Variants in DNAH11 observed in about 807,000 individuals in gnomAD.
DNAH11 encodes the protein axonemal beta dynein heavy chain 11.
DNAH11 carries 442 observed loss-of-function variants against 526.0 expected under a neutral mutation model. That is an observed-to-expected ratio of 0.84 (90% confidence interval 0.78 to 0.91). The LOEUF (loss-of-function observed/expected upper bound fraction) is 0.91. Ranked by LOEUF, DNAH11 falls within the 40% of genes least tolerant of loss-of-function variation. The probability of loss-of-function intolerance (pLI) is 0.00; values close to 1 mark genes in which losing one functional copy is unlikely to be tolerated. For missense variants in DNAH11, 6,989 were observed against 5,448.7 expected (o/e 1.28, Z -8.90); for synonymous variants, 2,461 against 1,935.9 (o/e 1.27, Z -7.12).
chr7:21,677,500 G>C (rs1224450474), intron 30 of DNAH11, among the ~76,000 whole-genome samples: 2 of 152,148 alleles, frequency 1.3e-5, no homozygotes, highest in Non-Finnish European at 2.9e-5. Context: ...TCCTGCCTCA[G>C]CCTCCCGTGT....
Position 21,618,772 on chromosome 7 carries a change from A to T in DNAH11, c.4255-328A>T, listed in dbSNP as rs6967178. Among the ~76,000 whole-genome samples, 5,108 of 152,284 alleles carry T rather than the reference A, an allele frequency of 0.034. 143 individuals are homozygous for T. The highest frequency in any genetic ancestry group is 0.072 in the African/African-American group (2,985 of 41,552). The stretch of plus-strand genomic sequence containing the variant: ...TGATTCCTGGGATTTCAACCAAATT[A>T]TAATAAATGAACAATGAGATTCTCT... On this transcript the variant is annotated intron_variant, in intron 23 of 81. Transcript: ENST00000409508.
Position 21,687,582 on chromosome 7 carries a change from A to G in DNAH11, c.5924+55A>G. On this transcript the variant is annotated intron_variant, in intron 34 of 81. Transcript: ENST00000409508. ...CAAATAGAAAAACATGGAATAATGCAGGTAACCTCCCCTTCACTGTCTATT... is the reference window on the plus strand; with the variant it reads ...CAAATAGAAAAACATGGAATAATGCGGGTAACCTCCCCTTCACTGTCTATT... 5 of 1,572,550 alleles carry G rather than the reference A, an allele frequency of 3.2e-6. No homozygotes were observed. In the African/African-American group the frequency reaches 6.7e-5, roughly 21 times the overall value.
At chr7:21,835,654 A>T (rs1018242488) in intron 65 of DNAH11, among the ~76,000 whole-genome samples, 1 of 152,194 alleles carries the variant, frequency 6.6e-6, no homozygotes, top group East Asian at 1.9e-4. Context: ...CACAGCTAAC[A>T]TATTAAACAG....
At chr7:21,849,579 T>G (rs1341284775) in intron 66 of DNAH11, among the ~76,000 whole-genome samples, 2 of 152,238 alleles carry the variant, frequency 1.3e-5, no homozygotes, top group Non-Finnish European at 2.9e-5. Flanking sequence ...GATAATTTTA[T>G]AAGATACAAA....
At chr7:21,850,354 C>CAAA (rs34141787) in intron 66 of DNAH11, among the ~76,000 whole-genome samples, 18 of 122,330 alleles carry the variant, frequency 1.5e-4, no homozygotes, top group African/African-American at 4.1e-4. Flanking sequence ...GACTCTGTCT[C>CAAA]AAAAAAAAAA....
At chr7:21,554,819 G>A (rs1234285125) in intron 2 of DNAH11, among the ~76,000 whole-genome samples, 1 of 152,198 alleles carries the variant, frequency 6.6e-6, no homozygotes, top group Non-Finnish European at 1.5e-5. Flanking sequence ...GAGGGAATAT[G>A]CTAGATGTCT....
intron 51 of DNAH11, among the ~76,000 whole-genome samples, chr7:21,745,593 G>A (rs1283978187): frequency 6.6e-6 from 1 of 152,138 alleles, no homozygotes; most frequent in Non-Finnish European, 1.5e-5. Context: ...CCCTCCTATG[G>A]GACATTGTTC....
intron 44 of DNAH11, among the ~76,000 whole-genome samples, chr7:21,723,433 T>C (rs528932306): frequency 6.6e-6 from 1 of 152,300 alleles, no homozygotes; most frequent in East Asian, 1.9e-4. Flanking sequence ...AAAACAAGTT[T>C]CAAATCAACT....
chr7:21,870,107 A>C (rs1205203674), intron 73 of DNAH11, among the ~76,000 whole-genome samples: 5 of 152,226 alleles, frequency 3.3e-5, no homozygotes, highest in Non-Finnish European at 7.3e-5. Context: ...CTCTATATAA[A>C]GATGAGAAAA....
chr7:21,785,908 A>G (rs1490699143), intron 58 of DNAH11, among the ~76,000 whole-genome samples: 2 of 152,256 alleles, frequency 1.3e-5, no homozygotes, highest in Non-Finnish European at 2.9e-5. Context: ...CACATAAAGT[A>G]TCACAGGAAA....
intron 48 of DNAH11, among the ~76,000 whole-genome samples, chr7:21,740,735 C>A (rs1198406047): frequency 6.6e-6 from 1 of 152,184 alleles, no homozygotes; most frequent in Non-Finnish European, 1.5e-5. Context: ...TTGGGGTGTA[C>A]ACCCAGCAAT....
chr7:21,819,842 C>T (rs1017987181), intron 65 of DNAH11, among the ~76,000 whole-genome samples: 34 of 152,092 alleles, frequency 2.2e-4, no homozygotes, highest in Non-Finnish European at 4.6e-4. Context: ...AAATATCAGG[C>T]CAGAACAGTT....
intron 4 of DNAH11, 38 bp from the exon 5 acceptor site, chr7:21,561,033 A>G (rs751656971): frequency 7.2e-7 from 1 of 1,390,206 alleles, no homozygotes; most frequent in Non-Finnish European, 1.0e-6. Flanking sequence ...AATCGAGTTT[A>G]TATTTATTAA....
chr7:21,838,347 G>C (rs1284112948), intron 65 of DNAH11, among the ~76,000 whole-genome samples: 1 of 152,170 alleles, frequency 6.6e-6, no homozygotes, highest in Non-Finnish European at 1.5e-5. Flanking sequence ...TTTGACCTCT[G>C]ATAATTGTTC....
chr7:21,818,371 C>A (rs1164011464), intron 65 of DNAH11, 32 bp downstream of exon 65: 1 of 1,591,796 alleles, frequency 6.3e-7, no homozygotes, highest in Non-Finnish European at 8.5e-7. Flanking sequence ...ACATATATAT[C>A]TTGCTAAATG....
chr7:21,900,386 A>AGACTGAATTTACATTCTTTTTGCT (rs534116656), intron 81 of DNAH11, among the ~76,000 whole-genome samples: 557 of 102,940 alleles, frequency 5.4e-3, no homozygotes, highest in African/African-American at 0.015. Flanking sequence ...CATTAGACTT[A>AGACTGAATTTACATTCTTTTTGCT]GACTGAATTT....
intron 69 of DNAH11, among the ~76,000 whole-genome samples, chr7:21,863,885 C>A (rs1783169464): frequency 6.6e-6 from 1 of 152,050 alleles, no homozygotes; most frequent in Non-Finnish European, 1.5e-5. Context: ...TAATATAAAG[C>A]TCAAAAATTT....
intron 14 of DNAH11, among the ~76,000 whole-genome samples, chr7:21,595,420 C>T (rs541254790): frequency 1.3e-5 from 2 of 152,276 alleles, no homozygotes; most frequent in East Asian, 1.9e-4. Context: ...AGGGTGGTAG[C>T]AGTGAAAGTG....
chr7:21,867,755 TG>T, intron 71 of DNAH11, 103 bp from the exon 72 acceptor site: 1 of 1,025,532 alleles, frequency 9.8e-7, no homozygotes, highest in Non-Finnish European at 1.4e-6. Flanking sequence ...GTAATAAACC[TG>T]GTTACTTCTA....
Sources: allele counts gnomAD v4.1 joint callset (sites outside exome capture counted in the v4.1 genomes callset), GRCh38; gene constraint gnomAD v4.1.1; transcripts MANE v1.5; gene names NCBI Gene and HGNC (gene_info 2026-07-23, HGNC 2026-07-21).